Variants in SPTLC1 observed in about 807,000 individuals in gnomAD.
SPTLC1 encodes the protein serine palmitoyltransferase 1.
Under a neutral mutation model 68.9 loss-of-function variants are expected in SPTLC1, and 55 were observed. The observed-to-expected ratio is 0.80, with a 90% CI of 0.64 to 1.00. The LOEUF (loss-of-function observed/expected upper bound fraction) is 1.00. SPTLC1 is among the 50% of genes least tolerant of loss of function. The pLI is 0.00. For synonymous variants in SPTLC1, 197 were observed against 201.6 expected, an observed-to-expected ratio of 0.98 and a Z score of 0.19; for missense variants, 449 against 573.1, an observed-to-expected ratio of 0.78 and a Z score of 2.21.
At chr9:92,068,883 A>G (rs927275114) in intron 5 of SPTLC1, among the ~76,000 whole-genome samples, 4 of 152,202 alleles carry the variant, frequency 2.6e-5, no homozygotes, top group Non-Finnish European at 1.5e-5. Context: ...GAATCTTAAA[A>G]CTTTAAAACA....
intron 3 of SPTLC1, among the ~76,000 whole-genome samples, chr9:92,087,142 G>A (rs1339633155): frequency 6.6e-5 from 10 of 151,778 alleles, no homozygotes; most frequent in Admixed American, 2.0e-4. Context: ...TTATACATTC[G>A]TCTAAATTTT....
intron 3 of SPTLC1, among the ~76,000 whole-genome samples, chr9:92,105,753 T>G (rs28429191): frequency 0.11 from 15,876 of 150,818 alleles, 1,835 homozygotes; most frequent in African/African-American, 0.29. Flanking sequence ...GGAGTGCCTC[T>G]GCCCAGCCGC....
At chr9:92,051,405 A>AT in intron 8 of SPTLC1, 1 of 327,470 alleles carries the variant, frequency 3.1e-6, no homozygotes, top group African/African-American at 2.2e-5. Flanking sequence ...CAGAAAAAAA[A>AT]TTTGACAAAA....
intron 12 of SPTLC1, among the ~76,000 whole-genome samples, chr9:92,044,948 G>C (rs1321062379): frequency 1.3e-5 from 2 of 152,306 alleles, no homozygotes; most frequent in East Asian, 1.9e-4. Context: ...ACACCATAGA[G>C]TGAAAGGCAT....
intron 3 of SPTLC1, among the ~76,000 whole-genome samples, chr9:92,082,982 C>G (rs1279979308): frequency 6.6e-6 from 1 of 152,190 alleles, no homozygotes; most frequent in Non-Finnish European, 1.5e-5. Context: ...GCATTTCTCT[C>G]ATGGCCAGTG....
intron 3 of SPTLC1, among the ~76,000 whole-genome samples, chr9:92,097,853 G>GA (rs1227333014): frequency 2.0e-5 from 3 of 151,954 alleles, no homozygotes; most frequent in South Asian, 4.1e-4. Context: ...CTGTTTAAAG[G>GA]AAAAAAACCT....
intron 8 of SPTLC1, among the ~76,000 whole-genome samples, chr9:92,051,740 A>C (rs1318123919): frequency 6.6e-6 from 1 of 152,260 alleles, no homozygotes; most frequent in African/African-American, 2.4e-5. Flanking sequence ...GTATTATTTG[A>C]GCTAATAAAT....
Position 92,065,588 on chromosome 9 carries a change from T to C in SPTLC1, c.560+2378A>G, listed in dbSNP as rs529992073. ...GGAGTTCACCAGTAACCATCAACTT[T>C]TTCTGGACTTTAAAAGAATTTATAG... On this transcript the variant is annotated intron_variant, in intron 6 of 14. Coordinates refer to ENST00000262554, the MANE Select transcript of SPTLC1 (RefSeq NM_006415.4). Among the ~76,000 whole-genome samples, 39 of 152,260 alleles carry C rather than the reference T, an allele frequency of 2.6e-4. 1 individual carries two copies. In the South Asian group the frequency reaches 5.6e-3, roughly 22 times the overall value.
chr9:92,033,873 T>C (rs1224680012), intron 14 of SPTLC1, among the ~76,000 whole-genome samples: 2 of 152,190 alleles, frequency 1.3e-5, no homozygotes, highest in African/African-American at 2.4e-5. Flanking sequence ...TAAGGTGCTT[T>C]GAGCTGCTAC....
rs1832981203 is a variant in SPTLC1 at position 92,032,056 on chromosome 9, T to G, written c.*409A>C. On this transcript the variant is annotated 3_prime_UTR_variant, in exon 15 of 15. Transcript: ENST00000262554. ...CTCTTAGCTTTAATGTTGCAGTCAT[T>G]TTTCTATGAAATACTAAGGAGTTAA... The G allele has an allele frequency of 6.5e-6, 3 of 463,972 alleles. No homozygotes were observed. The highest frequency in any genetic ancestry group is 2.0e-5 in the African/African-American group (1 of 50,606). 28.7% of individuals were successfully genotyped at this position (463,972 alleles called of 1,614,324 possible). A position where few individuals can be genotyped will look rare whatever the true frequency, so the allele number is the denominator to read the frequency against.
intron 3 of SPTLC1, among the ~76,000 whole-genome samples, chr9:92,087,316 T>G (rs190146150): frequency 0.078 from 11,801 of 152,124 alleles, 819 homozygotes; most frequent in East Asian, 0.27. Flanking sequence ...GAGGAGAGGC[T>G]CTCTGCTTTT....
chr9:92,071,547 C>T (rs151304825), intron 5 of SPTLC1, among the ~76,000 whole-genome samples: 46 of 152,346 alleles, frequency 3.0e-4, no homozygotes, highest in African/African-American at 1.1e-3. Flanking sequence ...TTATGTGATC[C>T]TTAGCAAAGT....
chr9:92,106,381 G>A (rs1001572423), intron 3 of SPTLC1, among the ~76,000 whole-genome samples: 2 of 151,614 alleles, frequency 1.3e-5, no homozygotes, highest in African/African-American at 4.9e-5. Flanking sequence ...GGCTGAGGCA[G>A]GAGAATGGCT....
At chr9:92,035,357 C>T (rs376576153) in intron 13 of SPTLC1, among the ~76,000 whole-genome samples, 3 of 152,174 alleles carry the variant, frequency 2.0e-5, no homozygotes, top group African/African-American at 7.2e-5. Flanking sequence ...TTAGCAAAAA[C>T]GATGTCCACA....
At chr9:92,047,130 C>T in intron 11 of SPTLC1, 42 bp downstream of exon 11, 1 of 1,511,876 alleles carries the variant, frequency 6.6e-7, no homozygotes, top group East Asian at 2.3e-5. Context: ...ACTAACGTAA[C>T]CTGAAATCTC....
chr9:92,095,144 A>G (rs949775629), intron 3 of SPTLC1, among the ~76,000 whole-genome samples: 1 of 152,236 alleles, frequency 6.6e-6, no homozygotes, highest in African/African-American at 2.4e-5. Flanking sequence ...AAAAGATATG[A>G]AGAGGCATTC....
At chr9:92,073,520 A>G (rs1336175726) in intron 5 of SPTLC1, among the ~76,000 whole-genome samples, 2 of 152,188 alleles carry the variant, frequency 1.3e-5, no homozygotes, top group Non-Finnish European at 2.9e-5. Context: ...AAAGGAGACC[A>G]CTGAGAACAA....
At chr9:92,045,818 C>T (rs528790891) in intron 12 of SPTLC1, among the ~76,000 whole-genome samples, 181 bp downstream of exon 12, 16 of 152,190 alleles carry the variant, frequency 1.1e-4, no homozygotes, top group South Asian at 4.1e-4. Context: ...AACAAAGTCA[C>T]GATTCTTTAA....
In SPTLC1 at chr9:92,032,572, AG is replaced by A. The variant is rs1833004688; in HGVS notation, c.1329-15del. The A allele has an allele frequency of 1.2e-6, 2 of 1,613,168 alleles. No homozygotes were observed. Among genetic ancestry groups the A allele is most frequent in the Admixed American group, 1.7e-5 (1 of 59,982 alleles). On this transcript the variant is annotated splice_polypyrimidine_tract_variant and intron_variant, in intron 14 of 14. Coordinates refer to ENST00000262554, the MANE Select transcript of SPTLC1 (RefSeq NM_006415.4). ...ACAACCCGAATGCTGAGAACAGTAA[AG>A]GACACAAAGAATTATCTTTGTGGGC...
Sources: allele counts gnomAD v4.1 joint callset (sites outside exome capture counted in the v4.1 genomes callset), GRCh38; gene constraint gnomAD v4.1.1; transcripts MANE v1.5; gene names NCBI Gene and HGNC (gene_info 2026-07-23, HGNC 2026-07-21).